The following TMEM131 variants were observed in gnomAD, a reference collection of about 807,000 sequenced individuals.
TMEM131 encodes transmembrane protein 131.
Under a neutral mutation model 211.6 loss-of-function variants are expected in TMEM131, and 66 were observed. The observed-to-expected ratio is 0.31, with a 90% CI of 0.26 to 0.38. The LOEUF (loss-of-function observed/expected upper bound fraction) is 0.38. Ranked by LOEUF, TMEM131 falls within the 10% of genes least tolerant of loss-of-function variation. TMEM131 has a pLI of 1.00. For synonymous variants in TMEM131, 844 were observed against 841.3 expected (o/e 1.00, Z -0.06); for missense variants, 2,036 against 2,299.3 (o/e 0.89, Z 2.34).
intron 2 of TMEM131, among the ~76,000 whole-genome samples, chr2:97,914,561 A>C (rs1320842233): frequency 6.6e-6 from 1 of 152,218 alleles, no homozygotes; most frequent in African/African-American, 2.4e-5. Flanking sequence ...AAGCCCTGGC[A>C]ACCATTCCTC....
At chr2:97,990,886 T>C (rs1680233551) in intron 1 of TMEM131, among the ~76,000 whole-genome samples, 1 of 152,202 alleles carries the variant, frequency 6.6e-6, no homozygotes, top group Non-Finnish European at 1.5e-5. Flanking sequence ...CATGAAACTA[T>C]AGTACACTGG....
chr2:97,767,205 T>C (rs1306002010), intron 33 of TMEM131, among the ~76,000 whole-genome samples: 1 of 152,196 alleles, frequency 6.6e-6, no homozygotes, highest in Non-Finnish European at 1.5e-5. Context: ...ATTAAATATA[T>C]TTTTTATTGA....
At chr2:97,902,992 A>T (rs958434686) in intron 3 of TMEM131, among the ~76,000 whole-genome samples, 12 of 152,156 alleles carry the variant, frequency 7.9e-5, no homozygotes, top group Non-Finnish European at 1.3e-4. Flanking sequence ...GATCGTGTAA[A>T]TTAATACTTA....
intron 31 of TMEM131, among the ~76,000 whole-genome samples, chr2:97,789,398 G>A (rs1680396034): frequency 6.6e-6 from 1 of 152,234 alleles, no homozygotes; most frequent in African/African-American, 2.4e-5. Context: ...GCAGGCTACA[G>A]ATGGCATGTG....
intron 1 of TMEM131, among the ~76,000 whole-genome samples, chr2:97,936,009 C>G (rs571768741): frequency 2.0e-5 from 3 of 152,134 alleles, no homozygotes; most frequent in Non-Finnish European, 4.4e-5. Context: ...TGCAGCTCCT[C>G]GAAAGCCTGA....
At chr2:97,889,669 T>G (rs1675301771) in intron 3 of TMEM131, among the ~76,000 whole-genome samples, 1 of 151,754 alleles carries the variant, frequency 6.6e-6, no homozygotes, top group Admixed American at 6.6e-5. Context: ...AAAAAGGAAA[T>G]TAAGATACAG....
intron 31 of TMEM131, among the ~76,000 whole-genome samples, chr2:97,776,739 C>T (rs907269957): frequency 6.6e-5 from 10 of 152,172 alleles, no homozygotes; most frequent in African/African-American, 1.2e-4. Context: ...ACATAAACAA[C>T]GAGCCACTCA....
rs746545724 is a variant in TMEM131 at position 97,762,125 on chromosome 2, G to A, written c.4799C>T (p.Pro1600Leu). ...TGGGGGAGACGGGGAAGCAGGTGTC[G>A]GTGAGGTCTGGCGTTGTTTTAAGAA... ...DIFLKQRQTSPTPASPSPPAA... is the reference protein window; with the variant it reads ...DIFLKQRQTSLTPASPSPPAA... Residue 1600 changes from proline (P) to leucine (L), a missense_variant, in exon 36 of 41, where the codon CCG becomes CTG. Physicochemically the swap from Pro to Leu is moderately conservative, Grantham distance 98. This residue lies in a region of TMEM131 where 1,623 missense variants were observed against 1,805.9 expected (regional missense o/e 0.90). Transcript: ENST00000186436. 1.9e-5 allele frequency: 31 copies of A among 1,613,530 alleles called. No homozygotes were observed. Among genetic ancestry groups the A allele is most frequent in the Middle Eastern group, 1.6e-4 (1 of 6,080 alleles).
chr2:97,781,223 T>C (rs1679984385), intron 31 of TMEM131, among the ~76,000 whole-genome samples: 1 of 152,230 alleles, frequency 6.6e-6, no homozygotes, highest in Non-Finnish European at 1.5e-5. Flanking sequence ...CCAGCCCCAG[T>C]GCCTTGCACA....
rs1459991626 is a variant in TMEM131, at chr2:97,995,509, G to A, written c.154C>T (p.Leu52Phe). The A allele has an allele frequency of 2.1e-6, 3 of 1,414,150 alleles. No homozygotes were observed. The highest frequency in any genetic ancestry group is 2.8e-6 in the Non-Finnish European group (3 of 1,078,214). The allele number at this position is 1,414,150 out of a possible 1,614,324, so 87.6% of individuals were successfully genotyped here. ...TCGGCCCGCGCCGCAGCCACTACGA[G>A]GGTCATCACCAGGTGCAGCGCGCCT... ...LLGALHLVMT[L>F]VVAAARAEKE... is the part of the protein sequence containing the mutation. The change falls in exon 1 of 41, where the codon CTC becomes TTC. Residue 52 changes from leucine (L) to phenylalanine (F), a missense_variant. By Grantham distance (22) the Leu-to-Phe change is conservative (BLOSUM62 0). Around this residue, in one of 3 missense-constraint regions of TMEM131, gnomAD observed 136 missense variants for 115.4 expected, o/e 1.18. Coordinates refer to ENST00000186436, the MANE Select transcript of TMEM131 (RefSeq NM_015348.2).
chr2:97,973,555 C>G (rs73960441), intron 1 of TMEM131, among the ~76,000 whole-genome samples: 14 of 152,264 alleles, frequency 9.2e-5, no homozygotes, highest in African/African-American at 3.4e-4. Flanking sequence ...ATGGAGTGAG[C>G]TGCATAGAGA....
chr2:97,976,371 T>C (rs1679534855), intron 1 of TMEM131, among the ~76,000 whole-genome samples: 1 of 152,168 alleles, frequency 6.6e-6, no homozygotes, highest in Non-Finnish European at 1.5e-5. Context: ...TTTACTTCTA[T>C]ATACTAGCAA....
chr2:97,772,396 G>A lies in TMEM131; in HGVS notation c.4349C>T (p.Ala1450Val), dbSNP rs1679510167. 2 of 1,611,104 alleles carry A rather than the reference G, an allele frequency of 1.2e-6. No individual in the cohort carries two copies. The highest frequency in any genetic ancestry group is 8.5e-7 in the Non-Finnish European group (1 of 1,179,288). ...TTCACTTTCATGTTTTTCAGGCATG[G>A]CTTGTTTTCCCTTTTGCTTTTCTGT... ...EDTEKQKGKQ[A>V]MPEKHESEMS... The change falls in exon 33 of 41, where the codon GCC becomes GTC. Residue 1450 changes from alanine to valine, a missense_variant. Ala to Val is a moderately conservative substitution (Grantham distance 64, BLOSUM62 0). Coordinates refer to ENST00000186436, the MANE Select transcript of TMEM131 (RefSeq NM_015348.2).
intron 1 of TMEM131, among the ~76,000 whole-genome samples, chr2:97,943,021 GA>G (rs1208943098): frequency 0.026 from 1,012 of 38,688 alleles, 12 homozygotes; most frequent in Middle Eastern, 0.038. Context: ...GAAAAGAAAA[GA>G]AAAGAAAAGA....
chr2:97,860,921 T>C (rs1299176583), intron 4 of TMEM131, among the ~76,000 whole-genome samples: 1 of 152,134 alleles, frequency 6.6e-6, no homozygotes, highest in Non-Finnish European at 1.5e-5. Context: ...ATGCCACCCT[T>C]TCCCACCTAC....
chr2:97,780,142 G>C (rs1406561808), intron 31 of TMEM131, among the ~76,000 whole-genome samples: 3 of 152,254 alleles, frequency 2.0e-5, no homozygotes, highest in South Asian at 2.1e-4. Flanking sequence ...CCTGTGTTGG[G>C]GAATTGCTGG....
intron 3 of TMEM131, among the ~76,000 whole-genome samples, chr2:97,905,505 G>A (rs1331255398): frequency 1.3e-5 from 2 of 152,110 alleles, no homozygotes; most frequent in African/African-American, 4.8e-5. Context: ...TTAGACATGT[G>A]TTAGACTGCT....
At chr2:97,768,927 A>G (rs989499359) in intron 33 of TMEM131, among the ~76,000 whole-genome samples, 2 of 144,234 alleles carry the variant, frequency 1.4e-5, no homozygotes, top group African/African-American at 2.5e-5. Context: ...TAAAAAGGAA[A>G]AACAGGTGGT....
intron 4 of TMEM131, among the ~76,000 whole-genome samples, chr2:97,861,672 A>G (rs1467772129): frequency 6.6e-6 from 1 of 151,826 alleles, no homozygotes; most frequent in African/African-American, 2.4e-5. Flanking sequence ...GGACTGCATC[A>G]AATGGGTTGA....
Sources: gnomAD v4.1 joint callset for allele counts (sites outside exome capture counted in the v4.1 genomes callset) on GRCh38, gnomAD v4.1.1 for gene constraint, gnomAD v4.1.1 regional missense constraint, MANE v1.5 for transcripts, NCBI Gene and HGNC (gene_info 2026-07-23, HGNC 2026-07-21) for gene names.